Variants in DCC observed in about 807,000 individuals in gnomAD.
DCC encodes netrin receptor DCC.
Under a neutral mutation model 172.5 loss-of-function variants are expected in DCC, and 58 were observed. The observed-to-expected ratio is 0.34, with a 90% CI of 0.27 to 0.42. DCC has a LOEUF of 0.42. DCC is among the 10% of genes least tolerant of loss of function. The pLI is 1.00. For missense variants in DCC, 1,740 were observed against 1,791.0 expected (o/e 0.97, Z 0.51); for synonymous variants, 709 against 644.5 (o/e 1.10, Z -1.52).
intron 5 of DCC, among the ~76,000 whole-genome samples, chr18:53,063,080 T>A (rs1015198603): frequency 2.0e-5 from 3 of 152,162 alleles, no homozygotes; most frequent in African/African-American, 4.8e-5. Context: ...CTTTTTTCTT[T>A]CCTTGTGGCA....
intron 1 of DCC, among the ~76,000 whole-genome samples, chr18:52,457,423 A>G (rs764203535): frequency 6.6e-6 from 1 of 152,218 alleles, no homozygotes; most frequent in Non-Finnish European, 1.5e-5. Context: ...TATATCTACT[A>G]TACAAGATTT....
intron 1 of DCC, among the ~76,000 whole-genome samples, chr18:52,662,623 A>C (rs2035382411): frequency 6.7e-6 from 1 of 150,142 alleles, no homozygotes; most frequent in Non-Finnish European, 1.5e-5. Context: ...GAAAGAAAGA[A>C]AGAGAAAGAA....
At chr18:53,404,057 C>T (rs947648736) in intron 19 of DCC, among the ~76,000 whole-genome samples, 15 of 152,160 alleles carry the variant, frequency 9.9e-5, no homozygotes, top group African/African-American at 3.1e-4. Context: ...CTGAGACTGG[C>T]TCATTCCAAT....
At chr18:53,415,675 T>C (rs1466463979) in intron 20 of DCC, among the ~76,000 whole-genome samples, 1 of 152,136 alleles carries the variant, frequency 6.6e-6, no homozygotes, top group Non-Finnish European at 1.5e-5. Flanking sequence ...TTGTACCATA[T>C]TTATGGTTGC....
chr18:53,072,959 T>G (rs1177676153), intron 7 of DCC, among the ~76,000 whole-genome samples: 5 of 152,196 alleles, frequency 3.3e-5, no homozygotes, highest in Non-Finnish European at 5.9e-5. Context: ...ATCAATTTGA[T>G]GGGAGAATTA....
intron 27 of DCC, among the ~76,000 whole-genome samples, chr18:53,503,954 T>C (rs1189729904): frequency 6.6e-6 from 1 of 152,222 alleles, no homozygotes; most frequent in East Asian, 1.9e-4. Context: ...ACATGACAAG[T>C]CCAAAACTCA....
At chr18:52,362,730 C>G (rs1984674308) in intron 1 of DCC, among the ~76,000 whole-genome samples, 1 of 152,126 alleles carries the variant, frequency 6.6e-6, no homozygotes, top group Admixed American at 6.5e-5. Flanking sequence ...TCCCTATAGG[C>G]AGGTTGGGAG....
At position 52,340,264 on chromosome 18, in the gene DCC, C is replaced by T. The variant is rs1983563423; in HGVS notation, c.-524C>T. 2 of 196,010 alleles carry T rather than the reference C, an allele frequency of 1.0e-5. No homozygotes were observed. The highest frequency in any genetic ancestry group is 1.0e-4 in the South Asian group (1 of 10,028). The allele number at this position is 196,010 out of a possible 1,614,324, so 12.1% of individuals were successfully genotyped here. ...CACCCCGCAGTCCCCCCCGCCTCTC[C>T]TCCCTGGGTCCCCTCGGCTCTCGGA... On this transcript the variant is annotated 5_prime_UTR_variant, in exon 1 of 29. Transcript: ENST00000442544.
At chr18:52,767,100 T>A (rs1181216617) in intron 2 of DCC, among the ~76,000 whole-genome samples, 1 of 151,494 alleles carries the variant, frequency 6.6e-6, no homozygotes, top group Admixed American at 6.6e-5. Context: ...CTTCCCCATC[T>A]AGGTGGGCCC....
chr18:53,383,361 C>T (rs1907909718), intron 15 of DCC, among the ~76,000 whole-genome samples: 1 of 151,702 alleles, frequency 6.6e-6, no homozygotes, highest in Non-Finnish European at 1.5e-5. Flanking sequence ...TTTAAAATAC[C>T]TTTATCAAAT....
At chr18:52,347,471 A>C (rs1983928793) in intron 1 of DCC, among the ~76,000 whole-genome samples, 1 of 152,094 alleles carries the variant, frequency 6.6e-6, no homozygotes, top group Non-Finnish European at 1.5e-5. Context: ...AGAACTGTTT[A>C]TTTTTCCCAT....
rs572221978 is a variant in DCC at position 52,671,697 on chromosome 18, G to A, written c.92-80357G>A. Among the ~76,000 whole-genome samples, 22 of 151,778 alleles carry A rather than the reference G, an allele frequency of 1.4e-4. No homozygotes were observed. In the South Asian group the frequency reaches 2.5e-3, roughly 17 times the overall value. Reference sequence around the variant, plus strand: ...TGGGAACACAGGTGTGTGTCACTACGCCTGGCTAATTTTTGTATTTTTAGT... The same window carrying A: ...TGGGAACACAGGTGTGTGTCACTACACCTGGCTAATTTTTGTATTTTTAGT... On this transcript the variant is annotated intron_variant, in intron 1 of 28. Transcript: ENST00000442544.
chr18:53,301,639 A>G (rs1484218377), intron 12 of DCC, among the ~76,000 whole-genome samples: 1 of 151,210 alleles, frequency 6.6e-6, no homozygotes, highest in African/African-American at 2.4e-5. Context: ...ATTTACCTTT[A>G]TGTTTCTCAG....
At chr18:52,960,054 G>C (rs967196744) in intron 5 of DCC, among the ~76,000 whole-genome samples, 2 of 152,008 alleles carry the variant, frequency 1.3e-5, no homozygotes, top group African/African-American at 4.8e-5. Flanking sequence ...TACTAACATG[G>C]ACTTTAAGTA....
rs577066834 is a variant in DCC, at chr18:52,408,573, A to G, written c.91+67695A>G. Among the ~76,000 whole-genome samples the G allele has an allele frequency of 5.3e-5, 8 of 152,174 alleles. No individual in the cohort carries two copies. The South Asian group carries it at 1.7e-3, about 32-fold the overall frequency. On this transcript the variant is annotated intron_variant, in intron 1 of 28. Transcript: ENST00000442544. ...AAGTAATTACACCCCAGGTTTTTAG[A>G]TATTTAGTTCATATGCAAAAGTTGA...
chr18:52,722,760 G>T (rs867547832), intron 1 of DCC, among the ~76,000 whole-genome samples: 6 of 151,954 alleles, frequency 3.9e-5, no homozygotes, highest in Admixed American at 6.6e-5. Context: ...AGTCACTAAG[G>T]GTCTCCTTTC....
chr18:52,585,879 C>A (rs540386602), intron 1 of DCC, among the ~76,000 whole-genome samples: 4 of 152,034 alleles, frequency 2.6e-5, no homozygotes, highest in African/African-American at 9.7e-5. Context: ...GTTAGGTGAT[C>A]AAGACCATCT....
At chr18:53,337,471 TTTAC>T (rs1429933648) in intron 14 of DCC, among the ~76,000 whole-genome samples, 1 of 152,236 alleles carries the variant, frequency 6.6e-6, no homozygotes, top group Non-Finnish European at 1.5e-5. Flanking sequence ...TTTTATTACT[TTTAC>T]TTAGAGTTTA....
At chr18:52,876,594 G>A (rs149231181) in intron 2 of DCC, among the ~76,000 whole-genome samples, 97 of 152,286 alleles carry the variant, frequency 6.4e-4, no homozygotes, top group African/African-American at 2.1e-3. Flanking sequence ...GGCCCATAAT[G>A]TTTAGGGTTA....
Sources: allele counts gnomAD v4.1 joint callset (sites outside exome capture counted in the v4.1 genomes callset), GRCh38; gene constraint gnomAD v4.1.1; transcripts MANE v1.5; gene names NCBI Gene and HGNC (gene_info 2026-07-23, HGNC 2026-07-21).